RABGAP1L: variants seen among roughly 807,000 people sequenced by gnomAD.
The protein encoded by RABGAP1L is RAB GTPase activating protein 1 like.
Under a neutral mutation model 137.7 loss-of-function variants are expected in RABGAP1L, and 63 were observed. The observed-to-expected ratio is 0.46, with a 90% confidence interval of 0.37 to 0.56. The LOEUF (loss-of-function observed/expected upper bound fraction) is 0.56, where lower values mean the gene tolerates loss of function less well. RABGAP1L is among the 20% of genes least tolerant of loss of function. The pLI is 0.00. For missense variants in RABGAP1L, 1,095 were observed against 1,244.0 expected (o/e 0.88, Z 1.80); for synonymous variants, 431 against 433.7 (o/e 0.99, Z 0.08).
intron 11 of RABGAP1L, among the ~76,000 whole-genome samples, chr1:174,328,875 C>T (rs1680777056): frequency 6.6e-6 from 1 of 151,614 alleles, no homozygotes; most frequent in South Asian, 2.1e-4. Context: ...GTAATAAATG[C>T]CATCATTAAA....
At chr1:174,232,056 C>G (rs1307366695) in intron 4 of RABGAP1L, among the ~76,000 whole-genome samples, 1 of 152,134 alleles carries the variant, frequency 6.6e-6, no homozygotes, top group Admixed American at 6.5e-5. Context: ...GCATAAAAAT[C>G]TGCCTTCAGC....
chr1:174,357,886 G>A (rs1436440914), intron 11 of RABGAP1L, among the ~76,000 whole-genome samples: 2 of 152,156 alleles, frequency 1.3e-5, no homozygotes, highest in East Asian at 3.8e-4. Flanking sequence ...TAGAGCTCTT[G>A]CCCTTTGCCA....
intron 17 of RABGAP1L, among the ~76,000 whole-genome samples, chr1:174,725,403 T>C (rs910008576): frequency 2.6e-5 from 4 of 152,114 alleles, no homozygotes. Flanking sequence ...GAGGAATATA[T>C]TGCAGGGAAA....
intron 1 of RABGAP1L, among the ~76,000 whole-genome samples, chr1:174,167,794 A>C (rs889710535): frequency 1.3e-5 from 2 of 152,232 alleles, no homozygotes; most frequent in African/African-American, 2.4e-5. Context: ...ATGAAGGTTT[A>C]AGAGACACAT....
chr1:174,613,680 G>T (rs1248788132), intron 13 of RABGAP1L, among the ~76,000 whole-genome samples: 3 of 152,114 alleles, frequency 2.0e-5, no homozygotes, highest in Non-Finnish European at 2.9e-5. Flanking sequence ...CATTATTATT[G>T]TGTGGGAGTC....
In RABGAP1L at chr1:174,553,774, G is replaced by A. The variant is rs374551972; in HGVS notation, c.1711-83601G>A. On this transcript the variant is annotated intron_variant, in intron 13 of 25. Transcript: ENST00000681986. Reference sequence around the variant, plus strand: ...CCAACACTTAGGAAGGCAGAGGCAGGCAGATTTCTTGAGCCCAGGAGTTTG... The same window carrying A: ...CCAACACTTAGGAAGGCAGAGGCAGACAGATTTCTTGAGCCCAGGAGTTTG... 1.6e-4 allele frequency among the ~76,000 whole-genome samples: 25 copies of A among 152,282 alleles called. No individual in the cohort carries two copies. In the East Asian group the frequency reaches 3.5e-3, roughly 21 times the overall value.
chr1:174,191,268 A>T (rs1667194738), intron 1 of RABGAP1L, among the ~76,000 whole-genome samples: 1 of 152,232 alleles, frequency 6.6e-6, no homozygotes, highest in Non-Finnish European at 1.5e-5. Context: ...AAATATTTGA[A>T]TTACTGCCAG....
chr1:174,347,597 A>G (rs923833505), intron 11 of RABGAP1L, among the ~76,000 whole-genome samples: 7 of 151,518 alleles, frequency 4.6e-5, no homozygotes. Context: ...GGTTCACACC[A>G]TTCTCCTGCC....
intron 17 of RABGAP1L, among the ~76,000 whole-genome samples, chr1:174,737,951 T>C (rs1229278684): frequency 6.6e-6 from 1 of 152,114 alleles, no homozygotes; most frequent in African/African-American, 2.4e-5. Flanking sequence ...GGGAAGGTGC[T>C]AAGGCATTCA....
chr1:174,830,472 G>A (rs912401695), intron 19 of RABGAP1L, among the ~76,000 whole-genome samples: 3 of 146,136 alleles, frequency 2.1e-5, no homozygotes, highest in Admixed American at 6.8e-5. Flanking sequence ...GCCATGAGGT[G>A]TTATTTTTCT....
At chr1:174,833,368 T>TTGTGTG (rs71117578) in intron 19 of RABGAP1L, among the ~76,000 whole-genome samples, 5 of 108,548 alleles carry the variant, frequency 4.6e-5, no homozygotes, top group African/African-American at 1.6e-4. Context: ...ACCAGCTAAT[T>TTGTGTG]TGTGTGTGTG....
At chr1:174,229,916 T>C (rs1304347645) in intron 3 of RABGAP1L, among the ~76,000 whole-genome samples, 1 of 152,136 alleles carries the variant, frequency 6.6e-6, no homozygotes, top group African/African-American at 2.4e-5. Context: ...CTCCACATCC[T>C]CTCCAGCACC....
At chr1:174,774,324 C>A (rs566437601) in intron 18 of RABGAP1L, among the ~76,000 whole-genome samples, 2 of 152,120 alleles carry the variant, frequency 1.3e-5, no homozygotes, top group African/African-American at 2.4e-5. Flanking sequence ...AGAGCCATGG[C>A]TCATGCCTGT....
chr1:174,185,244 T>C (rs2148311553), intron 1 of RABGAP1L, among the ~76,000 whole-genome samples: 1 of 152,304 alleles, frequency 6.6e-6, no homozygotes, highest in African/African-American at 2.4e-5. Flanking sequence ...GGTGCAAAAA[T>C]GATTGCCGTT....
At chr1:174,929,361 C>T (rs1663346816) in intron 19 of RABGAP1L, among the ~76,000 whole-genome samples, 1 of 152,126 alleles carries the variant, frequency 6.6e-6, no homozygotes, top group Non-Finnish European at 1.5e-5. Flanking sequence ...TACTGTCTTC[C>T]TCACTTTCAA....
intron 1 of RABGAP1L, among the ~76,000 whole-genome samples, chr1:174,182,669 G>T (rs1571412726): frequency 1.3e-5 from 2 of 152,194 alleles, no homozygotes; most frequent in Admixed American, 6.5e-5. Flanking sequence ...CCACAGTCAA[G>T]CTCCTGAAGG....
chr1:174,939,933 A>G (rs946738814), intron 19 of RABGAP1L, among the ~76,000 whole-genome samples: 2 of 152,262 alleles, frequency 1.3e-5, no homozygotes, highest in Non-Finnish European at 2.9e-5. Context: ...GACAGTAAGA[A>G]TATGTGTAAT....
chr1:174,969,455 C>A, intron 21 of RABGAP1L, 68 bp downstream of exon 21: 1 of 1,188,876 alleles, frequency 8.4e-7, no homozygotes, highest in Non-Finnish European at 1.2e-6. Flanking sequence ...CATCACCGCC[C>A]CCACAAACTT....
At chr1:174,568,436 G>A (rs1329025306) in intron 13 of RABGAP1L, among the ~76,000 whole-genome samples, 2 of 152,148 alleles carry the variant, frequency 1.3e-5, no homozygotes, top group African/African-American at 2.4e-5. Flanking sequence ...AAGACACTTG[G>A]CATGTTACCT....
Sources: gnomAD v4.1 joint callset for allele counts (sites outside exome capture counted in the v4.1 genomes callset) on GRCh38, gnomAD v4.1.1 for gene constraint, MANE v1.5 for transcripts, NCBI Gene and HGNC (gene_info 2026-07-23, HGNC 2026-07-21) for gene names.